The following CIMIP6 variants were observed in gnomAD, a reference collection of about 807,000 sequenced individuals.
CIMIP6 encodes ciliary microtubule inner protein 6.
At chr2:54,330,959 T>A in the CIMIP6 span, 1 of 1,613,044 alleles carries the variant, frequency 6.2e-7, no homozygotes, top group Non-Finnish European at 8.5e-7. Flanking sequence ...CCTCGCTGCC[T>A]GGTGCCGTAG....
chr2:54,344,143 CATT>C, the CIMIP6 span, among the ~76,000 whole-genome samples: 14 of 152,168 alleles, frequency 9.2e-5, no homozygotes, highest in Admixed American at 7.2e-4. Context: ...GCATCCTGCT[CATT>C]GTTGTTGCCA....
chr2:54,364,137 A>G, the CIMIP6 span, among the ~76,000 whole-genome samples: 3 of 152,148 alleles, frequency 2.0e-5, no homozygotes, highest in Admixed American at 6.5e-5. Flanking sequence ...TTAAGTCTCT[A>G]TTTTTTTAAA....
chr2:54,371,792 G>C, the CIMIP6 span, among the ~76,000 whole-genome samples: 6 of 152,346 alleles, frequency 3.9e-5, no homozygotes, highest in African/African-American at 9.6e-5. Context: ...GCATGCTCCT[G>C]TTTGGGGAGC....
chr2:54,346,695 CA>C, the CIMIP6 span, among the ~76,000 whole-genome samples: 1 of 152,190 alleles, frequency 6.6e-6, no homozygotes, highest in Non-Finnish European at 1.5e-5. Flanking sequence ...CCTCTATCTC[CA>C]AAATAGACCC....
At chr2:54,331,599 C>G in the CIMIP6 span, among the ~76,000 whole-genome samples, 1 of 152,086 alleles carries the variant, frequency 6.6e-6, no homozygotes, top group East Asian at 1.9e-4. Context: ...ACAGGCCTTT[C>G]TGCTATCATC....
At chr2:54,339,859 C>T in the CIMIP6 span, 4 of 278,048 alleles carry the variant, frequency 1.4e-5, 1 homozygote, top group South Asian at 3.5e-4. Context: ...TAGGATACTT[C>T]ACTTGCTTTT....
the CIMIP6 span, among the ~76,000 whole-genome samples, chr2:54,346,067 C>A: frequency 2.7e-5 from 4 of 148,680 alleles, no homozygotes; most frequent in African/African-American, 7.5e-5. Context: ...ATTACACCCA[C>A]TGAGAAGGAA....
chr2:54,369,756 T>C, the CIMIP6 span, among the ~76,000 whole-genome samples: 1 of 152,210 alleles, frequency 6.6e-6, no homozygotes, highest in Non-Finnish European at 1.5e-5. Flanking sequence ...CTGACATTTT[T>C]CATCACACCA....
At chr2:54,347,046 G>A in the CIMIP6 span, among the ~76,000 whole-genome samples, 1 of 152,138 alleles carries the variant, frequency 6.6e-6, no homozygotes, top group Non-Finnish European at 1.5e-5. Flanking sequence ...TTCCAAACCA[G>A]ATTTATGTCT....
the CIMIP6 span, among the ~76,000 whole-genome samples, chr2:54,355,957 C>A: frequency 6.6e-6 from 1 of 152,044 alleles, no homozygotes; most frequent in South Asian, 2.1e-4. Context: ...ATCAGTAGGC[C>A]TGTGCAGACA....
chr2:54,337,739 G>A, the CIMIP6 span, among the ~76,000 whole-genome samples: 2 of 152,224 alleles, frequency 1.3e-5, no homozygotes, highest in Non-Finnish European at 2.9e-5. Flanking sequence ...CAGAATAGTA[G>A]TAGAATCATT....
At chr2:54,374,463 A>G in the CIMIP6 span, among the ~76,000 whole-genome samples, 14 of 152,214 alleles carry the variant, frequency 9.2e-5, no homozygotes, top group Admixed American at 5.2e-4. Context: ...AAACTATCTC[A>G]GGGGAAAGGA....
chr2:54,360,150 C>G, the CIMIP6 span: 1 of 1,473,430 alleles, frequency 6.8e-7, no homozygotes, highest in South Asian at 1.5e-5. Flanking sequence ...ACAGCTGCAT[C>G]TTCCAGCAAT....
chr2:54,335,171 T>A, the CIMIP6 span: 14,675 of 628,528 alleles, frequency 0.023, 255 homozygotes, highest in Non-Finnish European at 0.03. Flanking sequence ...AACCTGAAAC[T>A]ATTTTGCCAG....
At chr2:54,366,415 T>G in the CIMIP6 span, among the ~76,000 whole-genome samples, 1 of 152,232 alleles carries the variant, frequency 6.6e-6, no homozygotes, top group African/African-American at 2.4e-5. Context: ...TATAAACTAC[T>G]CTGATTTAGG....
At chr2:54,352,107 T>C in the CIMIP6 span, among the ~76,000 whole-genome samples, 1 of 152,162 alleles carries the variant, frequency 6.6e-6, no homozygotes, top group Admixed American at 6.5e-5. Flanking sequence ...AGCACAACAC[T>C]AGTATTTGAT....
At chr2:54,382,766 C>A in the CIMIP6 span, among the ~76,000 whole-genome samples, 1 of 152,318 alleles carries the variant, frequency 6.6e-6, no homozygotes, top group East Asian at 1.9e-4. Flanking sequence ...CGGATTTATG[C>A]CAACAGAATG....
chr2:54,333,264 A>G, the CIMIP6 span, among the ~76,000 whole-genome samples: 1 of 152,368 alleles, frequency 6.6e-6, no homozygotes, highest in South Asian at 2.1e-4. Flanking sequence ...AGAAATGAAC[A>G]AAGTACTAAA....
At chr2:54,381,180 T>C in the CIMIP6 span, among the ~76,000 whole-genome samples, 5 of 152,208 alleles carry the variant, frequency 3.3e-5, no homozygotes, top group Admixed American at 2.6e-4. Context: ...GGCCTGGTCC[T>C]GCCCCACCGT....
Sources: allele counts gnomAD v4.1 joint callset (sites outside exome capture counted in the v4.1 genomes callset), GRCh38; gene constraint gnomAD v4.1.1; transcripts MANE v1.5; gene names NCBI Gene and HGNC (gene_info 2026-07-23, HGNC 2026-07-21).